Variants in RAB3IL1 observed in about 807,000 individuals in gnomAD.
RAB3IL1 encodes RAB3A interacting protein like 1, also known as guanine nucleotide exchange factor for Rab-3A.
A neutral mutation model predicts 49.2 loss-of-function variants in RAB3IL1; 37 were observed. That is an observed-to-expected ratio of 0.75 (90% CI 0.58 to 0.99). The LOEUF (loss-of-function observed/expected upper bound fraction) is 0.99, where lower values mean the gene tolerates loss of function less well. Ranked by LOEUF, RAB3IL1 falls within the 50% of genes least tolerant of loss-of-function variation. The pLI is 0.00. For synonymous variants in RAB3IL1, 193 were observed against 213.9 expected, an observed-to-expected ratio of 0.90 and a Z score of 0.85; for missense variants, 484 against 513.0, an observed-to-expected ratio of 0.94 and a Z score of 0.55.
chr11:61,906,784 G>T lies in RAB3IL1; in HGVS notation c.439-100C>A. Reference sequence around the variant, plus strand: ...ACTCAGGACAATGCACCCCTGCAGTGACAGGCACTTAGTCCCACCCGACGC... The same window carrying T: ...ACTCAGGACAATGCACCCCTGCAGTTACAGGCACTTAGTCCCACCCGACGC... On this transcript the variant is annotated intron_variant, in intron 4 of 9. Transcript: ENST00000394836. This position sits in a 1 kb window ranked among gnomAD's most constrained non-coding sequence, Gnocchi z 4.6. 8.7e-7 allele frequency: 1 copy of T among 1,143,478 alleles called. No individual in the cohort carries two copies. Among genetic ancestry groups the T allele is most frequent in the Non-Finnish European group, 1.3e-6 (1 of 786,418 alleles). 70.8% of individuals were successfully genotyped at this position (1,143,478 alleles called of 1,614,324 possible). A position where few individuals can be genotyped will look rare whatever the true frequency, so the allele number is the denominator to read the frequency against.
In RAB3IL1 at chr11:61,898,884, C is replaced by T. The variant is rs764503468; in HGVS notation, c.1066+430G>A. ...ACTGGTTCAGGAGAAGACTCAGCAG[C>T]GAGCAAAGGTTGGTGGAGGAGCGGG... On this transcript the variant is annotated intron_variant, in intron 9 of 9. Transcript: ENST00000394836. This position sits in a 1 kb window ranked among gnomAD's most constrained non-coding sequence, Gnocchi z 5.1. 6.8e-5 allele frequency: 32 copies of T among 470,566 alleles called. No homozygotes were observed. Among genetic ancestry groups the T allele is most frequent in the South Asian group, 1.2e-4 (8 of 64,686 alleles). The allele number at this position is 470,566 out of a possible 1,614,324, so 29.1% of individuals were successfully genotyped here.
the RAB3IL1 span, among the ~76,000 whole-genome samples, chr11:61,926,213 G>A: frequency 0.044 from 6,704 of 150,890 alleles, 291 homozygotes; most frequent in Non-Finnish European, 0.055. Context: ...AAGAATTTGC[G>A]AAAATCAATA....
chr11:61,912,614 A>T (rs529452536), intron 1 of RAB3IL1, among the ~76,000 whole-genome samples: 1 of 152,324 alleles, frequency 6.6e-6, no homozygotes, highest in African/African-American at 2.4e-5. Flanking sequence ...TCAGAGAGGG[A>T]TGGTGACCTG....
intron 1 of RAB3IL1, among the ~76,000 whole-genome samples, chr11:61,909,827 C>T (rs548647184): frequency 1.3e-5 from 2 of 152,332 alleles, no homozygotes; most frequent in Admixed American, 1.3e-4. Context: ...TCAACAGCAG[C>T]TGGGTGCAGT....
the RAB3IL1 span, among the ~76,000 whole-genome samples, chr11:61,935,490 T>C: frequency 6.6e-6 from 1 of 152,072 alleles, no homozygotes; most frequent in Admixed American, 6.6e-5. Flanking sequence ...TAGATAGACT[T>C]TAAATCAACT....
Position 61,898,985 on chromosome 11 carries a change from G to C in RAB3IL1, c.1066+329C>G. 1.9e-6 allele frequency: 1 copy of C among 519,268 alleles called. No individual in the cohort carries two copies. Among genetic ancestry groups the C allele is most frequent in the Non-Finnish European group, 3.7e-6 (1 of 270,372 alleles). The allele number at this position is 519,268 out of a possible 1,614,324, so 32.2% of individuals were successfully genotyped here. On this transcript the variant is annotated intron_variant, in intron 9 of 9. Transcript: ENST00000394836. The surrounding 1 kb of genome is among the most constrained non-coding windows in gnomAD (Gnocchi z 5.1). Reference sequence around the variant, plus strand: ...CTGTCCAGCATGGAGTGGAGTGGGAGCAAAGGCTGGAGGTGGGTGACCCTG... The same window carrying C: ...CTGTCCAGCATGGAGTGGAGTGGGACCAAAGGCTGGAGGTGGGTGACCCTG...
the RAB3IL1 span, among the ~76,000 whole-genome samples, chr11:61,939,419 GAAGA>G: frequency 6.6e-6 from 1 of 151,956 alleles, no homozygotes; most frequent in Non-Finnish European, 1.5e-5. Flanking sequence ...ACATCAAAGA[GAAGA>G]AAGATCTCCA....
At chr11:61,929,590 A>ATT in the RAB3IL1 span, among the ~76,000 whole-genome samples, 205 of 144,842 alleles carry the variant, frequency 1.4e-3, 1 homozygote, top group African/African-American at 2.3e-3. Context: ...AACCAAGCAG[A>ATT]TTTTTTTTTT....
chr11:61,921,353 C>T (rs1268114526), upstream of RAB3IL1, among the ~76,000 whole-genome samples: 1 of 152,186 alleles, frequency 6.6e-6, no homozygotes, highest in African/African-American at 2.4e-5. Context: ...GCCTCAGTTT[C>T]TCCAACTATG....
At chr11:61,937,852 G>A in the RAB3IL1 span, 1 of 152,166 alleles carries the variant, frequency 6.6e-6, no homozygotes, top group African/African-American at 2.4e-5. Context: ...TTGAAAGGCA[G>A]AGATTAGTAG....
chr11:61,945,998 A>G, the RAB3IL1 span, among the ~76,000 whole-genome samples: 5 of 151,836 alleles, frequency 3.3e-5, no homozygotes, highest in Non-Finnish European at 7.4e-5. Flanking sequence ...TTGAATGTTG[A>G]GTTTACTCCG....
At chr11:61,917,251 C>T in intron 1 of RAB3IL1, 106 bp downstream of exon 1, 2 of 1,307,436 alleles carry the variant, frequency 1.5e-6, no homozygotes, top group South Asian at 2.0e-5. Flanking sequence ...CGCACAGCAC[C>T]TCCGGGTGGC....
chr11:61,914,769 C>A (rs1041281422), intron 1 of RAB3IL1, among the ~76,000 whole-genome samples: 2 of 152,102 alleles, frequency 1.3e-5, no homozygotes, highest in Non-Finnish European at 2.9e-5. Flanking sequence ...AGAGAAAGAT[C>A]TCAGTTCATT....
the RAB3IL1 span, among the ~76,000 whole-genome samples, chr11:61,926,104 CAAAAAAAAAAAAAA>C: frequency 9.7e-3 from 625 of 64,104 alleles, 26 homozygotes; most frequent in African/African-American, 0.036. Flanking sequence ...TCCTTCCTGC[CAAAAAAAAAAAAAA>C]AAAAAAAAAG....
chr11:61,939,629 CAA>C, the RAB3IL1 span, among the ~76,000 whole-genome samples: 5 of 132,002 alleles, frequency 3.8e-5, no homozygotes, highest in Admixed American at 7.6e-5. Flanking sequence ...TTAGACTGAC[CAA>C]AAAAAAAAAA....
At chr11:61,934,317 T>TACACACACAC in the RAB3IL1 span, among the ~76,000 whole-genome samples, 20 of 33,218 alleles carry the variant, frequency 6.0e-4, no homozygotes, top group African/African-American at 2.3e-3. Flanking sequence ...CCTGAGTAAA[T>TACACACACAC]ATACACACAC....
upstream of RAB3IL1, chr11:61,920,221 T>C (rs12419506): frequency 0.014 from 18,029 of 1,251,186 alleles, 158 homozygotes; most frequent in Non-Finnish European, 0.017. Flanking sequence ...AGGGTCCCTC[T>C]GGAGGGTGCC....
At chr11:61,930,870 TA>T in the RAB3IL1 span, among the ~76,000 whole-genome samples, 3 of 152,070 alleles carry the variant, frequency 2.0e-5, no homozygotes, top group African/African-American at 7.2e-5. Flanking sequence ...TGACAATGTT[TA>T]AAAAAAATTC....
chr11:61,920,248 G>A (rs1939868653), upstream of RAB3IL1: 5 of 1,237,718 alleles, frequency 4.0e-6, no homozygotes, highest in Non-Finnish European at 5.1e-6. Flanking sequence ...GGAGGTAGCA[G>A]GAGCCTTCTT....
Sources: gnomAD v4.1 joint callset for allele counts (sites outside exome capture counted in the v4.1 genomes callset) on GRCh38, gnomAD v4.1.1 for gene constraint, Gnocchi (gnomAD v3.1) non-coding constraint, MANE v1.5 for transcripts, NCBI Gene and HGNC (gene_info 2026-07-23, HGNC 2026-07-21) for gene names.